Variants in MYH7 observed in about 807,000 individuals in gnomAD.
MYH7 encodes myosin-7.
MYH7 carries 129 observed loss-of-function variants against 225.4 expected under a neutral mutation model. The observed-to-expected ratio is 0.57, with a 90% confidence interval of 0.50 to 0.66. The LOEUF (loss-of-function observed/expected upper bound fraction) is 0.66. MYH7 is among the 30% of genes least tolerant of loss of function. The pLI, the probability that MYH7 is intolerant of heterozygous loss-of-function variation, is 0.00. For synonymous variants in MYH7, 971 were observed against 1,007.6 expected (o/e 0.96, Z 0.69); for missense variants, 1,649 against 2,517.0 (o/e 0.66, Z 7.38).
At chr14:23,422,632 CTTTTT>C (rs33928947) in intron 24 of MYH7, among the ~76,000 whole-genome samples, 2 of 116,108 alleles carry the variant, frequency 1.7e-5, no homozygotes, top group African/African-American at 3.3e-5. Flanking sequence ...TTCCTTCCTC[CTTTTT>C]TTTTTTTTTT....
rs1351767887 is a variant in MYH7, at chr14:23,423,558, G to A, written c.3088C>T (p.Gln1030Ter). Residue 1030 changes from glutamine (Q) to a stop codon, truncating the protein, a stop_gained, in exon 24 of 40, where the codon CAA (glutamine) becomes TAA (stop). Coordinates refer to ENST00000355349, the MANE Select transcript of MYH7 (RefSeq NM_000257.4). LOFTEE classifies it high-confidence loss of function. ...LTKAKVKLEQQVDDLEGSLEQ... is the reference protein window; with the variant it reads ...LTKAKVKLEQ ...CTCAATCTACTCACATCATCCACTT[G>A]CTGCTCCAGCTTGACTTTGGCCTTA... 6.2e-7 allele frequency: 1 copy of A among 1,612,376 alleles called. No individual in the cohort carries two copies. Among genetic ancestry groups the A allele is most frequent in the Non-Finnish European group, 8.5e-7 (1 of 1,179,734 alleles).
chr14:23,432,402 G>A, intron 6 of MYH7, 77 bp downstream of exon 6: 2 of 1,580,026 alleles, frequency 1.3e-6, no homozygotes, highest in East Asian at 2.2e-5. Flanking sequence ...TATGCCTCGG[G>A]GCCTGGGACA....
intron 22 of MYH7, 22 bp downstream of exon 22, chr14:23,424,747 A>G (rs1165011086): frequency 1.2e-6 from 2 of 1,613,694 alleles, no homozygotes; most frequent in Admixed American, 3.3e-5. Context: ...TGGAAGAGCC[A>G]ACAGTAGCCC....
At chr14:23,432,911 A>G in intron 4 of MYH7, 116 bp from the exon 5 acceptor site, 4 of 1,502,878 alleles carry the variant, frequency 2.7e-6, no homozygotes, top group Admixed American at 1.9e-5. Context: ...CTCTGCATGC[A>G]CTCAATCTGA....
intron 18 of MYH7, 29 bp downstream of exon 18, chr14:23,426,748 A>C: frequency 6.3e-7 from 1 of 1,597,500 alleles, no homozygotes; most frequent in African/African-American, 1.3e-5. Context: ...TATGCCCAGC[A>C]GTGGGTTGGC....
chr14:23,433,266 G>C lies in MYH7; in HGVS notation c.202-39C>G, dbSNP rs1893022097. 1.2e-6 allele frequency: 2 copies of C among 1,613,928 alleles called. No individual in the cohort carries two copies. The highest frequency in any genetic ancestry group is 2.7e-5 in the African/African-American group (2 of 75,048). On this transcript the variant is annotated intron_variant, in intron 3 of 39. Transcript: ENST00000355349. This position sits in a 1 kb window ranked among gnomAD's most constrained non-coding sequence, Gnocchi z 4.1. ...CACCCAAGCCCTCCTGTCAGCCTGG[G>C]CTTTCCCTCCTTCCTCAAGAGGGTT...
intron 26 of MYH7, 51 bp from the exon 27 acceptor site, chr14:23,420,285 A>G (rs770314438): frequency 6.3e-7 from 1 of 1,592,042 alleles, no homozygotes; most frequent in Non-Finnish European, 8.5e-7. Context: ...CTCCACTGGA[A>G]TCCCCCCGGC....
At position 23,433,815 on chromosome 14, in the gene MYH7, G is replaced by A; in HGVS notation, c.-8-75C>T. The stretch of plus-strand genomic sequence containing the variant: ...CCCTCCCTGGGCTCTCCCCTTCAGT[G>A]GGAGCCCCAAAACCTAGCACCATGC... On this transcript the variant is annotated intron_variant, in intron 2 of 39. Transcript: ENST00000355349. This position sits in a 1 kb window ranked among gnomAD's most constrained non-coding sequence, Gnocchi z 4.1. 6.9e-7 allele frequency: 1 copy of A among 1,459,072 alleles called. No homozygotes were observed. The highest frequency in any genetic ancestry group is 9.5e-7 in the Non-Finnish European group (1 of 1,053,346). The allele number at this position is 1,459,072 out of a possible 1,614,324, so 90.4% of individuals were successfully genotyped here.
At position 23,414,054 on chromosome 14, in the gene MYH7, T is replaced by C; in HGVS notation, c.5608A>G (p.Lys1870Glu). 1.2e-6 allele frequency: 2 copies of C among 1,614,040 alleles called. No individual in the cohort carries two copies. Among genetic ancestry groups the C allele is most frequent in the Non-Finnish European group, 1.7e-6 (2 of 1,180,022 alleles). ...NLLRLQDLVD[K>E]LQLKVKAYKR... ...TAGGCCTTGACCTTTAGCTGCAGCT[T>C]GTCTACCAGGTCCTGCAGCCGCAGC... The change falls in exon 38 of 40, where the codon AAG becomes GAG. Residue 1870 changes from lysine (K) to glutamate (E), a missense_variant. Around this residue, in one of 12 missense-constraint regions of MYH7, gnomAD observed 687 missense variants for 913.8 expected, o/e 0.75. Transcript: ENST00000355349.
intron 12 of MYH7, 72 bp downstream of exon 12, chr14:23,429,703 A>G: frequency 1.3e-6 from 2 of 1,573,342 alleles, no homozygotes; most frequent in Non-Finnish European, 1.7e-6. Context: ...AAAAAAGAGA[A>G]GAGAGATGAC....
rs1471839078 is a variant in MYH7 at position 23,417,140 on chromosome 14, G to A, written c.4519+13C>T. ...GTGCAGCCCCTCCCCAGCCTCTTGGGCCCCCAGCACACCCTGCAGGTTTTT... is the reference window on the plus strand; with the variant it reads ...GTGCAGCCCCTCCCCAGCCTCTTGGACCCCCAGCACACCCTGCAGGTTTTT... On this transcript the variant is annotated intron_variant, in intron 32 of 39. Transcript: ENST00000355349. 3 of 1,614,068 alleles carry A rather than the reference G, an allele frequency of 1.9e-6. No individual in the cohort carries two copies. Among genetic ancestry groups the A allele is most frequent in the Admixed American group, 1.7e-5 (1 of 60,018 alleles).
chr14:23,419,995 C>T lies in MYH7; in HGVS notation c.3576G>A (p.Leu1192=), dbSNP rs770653507. ...TLQHEATAAA[L]RKKHADSVAE... ...CCACGCTGTCGGCGTGCTTCTTGCG[C>T]AGGGCCGCGGCAGTGGCCTCGTGCT... is the stretch of plus-strand genomic sequence containing the variant. Residue 1192 remains leucine (L), a synonymous_variant, in exon 27 of 40, where the codon CTG becomes CTA. Coordinates refer to ENST00000355349, the MANE Select transcript of MYH7 (RefSeq NM_000257.4). 6.3e-7 allele frequency: 1 copy of T among 1,599,800 alleles called. No homozygotes were observed. The highest frequency in any genetic ancestry group is 8.5e-7 in the Non-Finnish European group (1 of 1,170,678).
intron 8 of MYH7, 36 bp downstream of exon 8, chr14:23,431,549 G>C: frequency 6.2e-7 from 1 of 1,613,976 alleles, no homozygotes; most frequent in Non-Finnish European, 8.5e-7. Context: ...TCCTCCACCA[G>C]TCCAAGTCCC....
At position 23,413,858 on chromosome 14, in the gene MYH7, G is replaced by A. The variant is rs1259106084; in HGVS notation, c.5691C>T (p.Arg1897=). ...EQANTNLSKF[R]KVQHELDEAE... is the part of the protein sequence containing the mutation. ...CCTCATCCAGCTCGTGCTGCACCTT[G>A]CGGAACTTGGACAGGTTGGTGTTGG... Residue 1897 remains arginine, a synonymous_variant, in exon 39 of 40, where the codon CGC becomes CGT. Coordinates refer to ENST00000355349, the MANE Select transcript of MYH7 (RefSeq NM_000257.4). The A allele has an allele frequency of 1.9e-6, 3 of 1,614,260 alleles. No homozygotes were observed. The highest frequency in any genetic ancestry group is 2.5e-6 in the Non-Finnish European group (3 of 1,180,052).
chr14:23,429,221 G>T lies in MYH7; in HGVS notation c.1257+8C>A, dbSNP rs995548888. On this transcript the variant is annotated splice_region_variant and intron_variant, in intron 13 of 39. Transcript: ENST00000355349. ...TGCCCACCCATTATCATCTGAAGATGGACCCACCTGCTGGACATTCTGCCC... is the reference window on the plus strand; with the variant it reads ...TGCCCACCCATTATCATCTGAAGATTGACCCACCTGCTGGACATTCTGCCC... The T allele has an allele frequency of 6.2e-7, 1 of 1,607,908 alleles. No homozygotes were observed. The highest frequency in any genetic ancestry group is 8.5e-7 in the Non-Finnish European group (1 of 1,174,464).
intron 25 of MYH7, among the ~76,000 whole-genome samples, chr14:23,421,370 G>A (rs531836591): frequency 1.3e-5 from 2 of 152,282 alleles, no homozygotes; most frequent in African/African-American, 4.8e-5. Flanking sequence ...AGCTCTGATG[G>A]TCTTTAATTT....
chr14:23,424,739 G>A (rs373816029), intron 22 of MYH7, 30 bp downstream of exon 22: 1 of 1,613,114 alleles, frequency 6.2e-7, no homozygotes, highest in East Asian at 2.2e-5. Flanking sequence ...GAGCAGGGTG[G>A]AAGAGCCAAC....
At chr14:23,422,462 T>C in intron 24 of MYH7, 137 bp from the exon 25 acceptor site, 1 of 1,126,500 alleles carries the variant, frequency 8.9e-7, no homozygotes, top group Non-Finnish European at 1.3e-6. Flanking sequence ...CCAAATGTTA[T>C]TAGGGGACTG....
rs766135597 is a variant in MYH7, at chr14:23,428,703, A to C, written c.1408-33T>G. The C allele has an allele frequency of 1.4e-5, 23 of 1,613,472 alleles. No individual in the cohort carries two copies. In the East Asian group the frequency reaches 5.1e-4, roughly 36 times the overall value. On this transcript the variant is annotated intron_variant, in intron 14 of 39. Coordinates refer to ENST00000355349, the MANE Select transcript of MYH7 (RefSeq NM_000257.4). ...GGGCATGAGGGGTGGGAGCAGTCAG[A>C]AAGTGGGTGTGAGTGGCCATTGGGG...
Sources: gnomAD v4.1 joint callset for allele counts (sites outside exome capture counted in the v4.1 genomes callset) on GRCh38, gnomAD v4.1.1 for gene constraint, gnomAD v4.1.1 regional missense constraint, Gnocchi (gnomAD v3.1) non-coding constraint, MANE v1.5 for transcripts, NCBI Gene and HGNC (gene_info 2026-07-23, HGNC 2026-07-21) for gene names.